Variants in JAKMIP1 observed in about 807,000 individuals in gnomAD.
JAKMIP1 encodes the protein janus kinase and microtubule-interacting protein 1.
JAKMIP1 carries 33 observed loss-of-function variants against 113.0 expected under a neutral mutation model. The ratio of observed to expected loss-of-function variants is 0.29; its 90% CI spans 0.22 to 0.39. The LOEUF (loss-of-function observed/expected upper bound fraction) is 0.39. Among genes scored for constraint, JAKMIP1 ranks in the 10% least tolerant of loss-of-function variants. The probability of loss-of-function intolerance (pLI) is 1.00; values close to 1 mark genes in which losing one functional copy is unlikely to be tolerated. For synonymous variants in JAKMIP1, 480 were observed against 459.9 expected (o/e 1.04, Z -0.56); for missense variants, 813 against 1,080.5 (o/e 0.75, Z 3.47).
At position 6,138,816 on chromosome 4, in the gene JAKMIP1, C is replaced by G. The variant is rs1473546150; in HGVS notation, c.-147-25819G>C. Among the ~76,000 whole-genome samples, 1 of 152,110 alleles carries G rather than the reference C, an allele frequency of 6.6e-6. No homozygotes were observed. Among genetic ancestry groups the G allele is most frequent in the Non-Finnish European group, 1.5e-5 (1 of 68,038 alleles). On this transcript the variant is annotated intron_variant, in intron 1 of 20. Coordinates refer to ENST00000409021, the MANE Select transcript of JAKMIP1 (RefSeq NM_001099433.2). The surrounding 1 kb of genome is among the most constrained non-coding windows in gnomAD (Gnocchi z 6.0). Reference sequence around the variant, plus strand: ...TCCCTGAGCTTCAGTTTCCCCTAACCTGGAAAAATGAGGAAAATCATAGTA... The same window carrying G: ...TCCCTGAGCTTCAGTTTCCCCTAACGTGGAAAAATGAGGAAAATCATAGTA...
intron 11 of JAKMIP1, among the ~76,000 whole-genome samples, chr4:6,058,296 A>G (rs1219156608): frequency 3.3e-5 from 5 of 152,250 alleles, no homozygotes; most frequent in African/African-American, 1.2e-4. Context: ...GTTTCTTTTT[A>G]AAAACTAACT....
chr4:6,080,098 C>CA lies in JAKMIP1; in HGVS notation c.1242+73dup. 6.7e-7 allele frequency: 1 copy of CA among 1,493,132 alleles called. No homozygotes were observed. The highest frequency in any genetic ancestry group is 2.5e-5 in the East Asian group (1 of 40,472). 92.5% of individuals were successfully genotyped at this position (1,493,132 alleles called of 1,614,324 possible). A position where few individuals can be genotyped will look rare whatever the true frequency, so the allele number is the denominator to read the frequency against. Reference sequence around the variant, plus strand: ...TCAGCAGCATCACCCTGAGCCCCAACACCCGTTCCTGACACCCATGTCAGC... The same window carrying CA: ...TCAGCAGCATCACCCTGAGCCCCAACAACCCGTTCCTGACACCCATGTCAGC... On this transcript the variant is annotated intron_variant, in intron 7 of 20. Transcript: ENST00000409021. The surrounding 1 kb of genome is among the most constrained non-coding windows in gnomAD (Gnocchi z 6.0).
chr4:6,115,733 C>G (rs966928590), intron 1 of JAKMIP1, among the ~76,000 whole-genome samples: 1 of 152,110 alleles, frequency 6.6e-6, no homozygotes, highest in Non-Finnish European at 1.5e-5. Flanking sequence ...TTAAGAAAGG[C>G]AAGAAAAATA....
In JAKMIP1 at chr4:6,168,737, AC is replaced by A. The variant is rs1359448464; in HGVS notation, c.-148+31515del. On this transcript the variant is annotated intron_variant, in intron 1 of 20. Coordinates refer to ENST00000409021, the MANE Select transcript of JAKMIP1 (RefSeq NM_001099433.2). This position sits in a 1 kb window ranked among gnomAD's most constrained non-coding sequence, Gnocchi z 4.6. ...AAATCCATGTCTCTACAAAAAAAAA[AC>A]AAAACACAAAAATTAGCCAGGCCTG... 1.3e-5 allele frequency among the ~76,000 whole-genome samples: 2 copies of A among 151,788 alleles called. No homozygotes were observed. The highest frequency in any genetic ancestry group is 4.8e-5 in the African/African-American group (2 of 41,294).
rs894313379 is a variant in JAKMIP1, at chr4:6,192,660, C to T, written c.-148+7593G>A. On this transcript the variant is annotated intron_variant, in intron 1 of 20. Coordinates refer to ENST00000409021, the MANE Select transcript of JAKMIP1 (RefSeq NM_001099433.2). This position sits in a 1 kb window ranked among gnomAD's most constrained non-coding sequence, Gnocchi z 5.0. ...AATAGCAGTGATTACTTATTGCACA[C>T]CTGCTCTGTGCCAATGCCCAAGGCT... 6.6e-6 allele frequency among the ~76,000 whole-genome samples: 1 copy of T among 152,224 alleles called. No individual in the cohort carries two copies. Among genetic ancestry groups the T allele is most frequent in the African/African-American group, 2.4e-5 (1 of 41,448 alleles).
rs145305452 is a variant in JAKMIP1, at chr4:6,090,227, A to G, written c.625-4598T>C. 5.1e-4 allele frequency among the ~76,000 whole-genome samples: 77 copies of G among 152,132 alleles called. No homozygotes were observed. In the East Asian group the frequency reaches 0.014, roughly 27 times the overall value. ...ACAGAGTGAGAGTCCATTTCAAAAAAAAAAAGAAGAAAAAGAAGAGGACAA... is the reference window on the plus strand; with the variant it reads ...ACAGAGTGAGAGTCCATTTCAAAAAGAAAAAGAAGAAAAAGAAGAGGACAA... On this transcript the variant is annotated intron_variant, in intron 3 of 20. Coordinates refer to ENST00000409021, the MANE Select transcript of JAKMIP1 (RefSeq NM_001099433.2).
Position 6,050,772 on chromosome 4 carries a change from C to A in JAKMIP1, c.1807-93G>T. 1 of 989,812 alleles carries A rather than the reference C, an allele frequency of 1.0e-6. No homozygotes were observed. 61.3% of individuals were successfully genotyped at this position (989,812 alleles called of 1,614,324 possible). ...TTACTCAGCAAAAACCAAGGAATTC[C>A]AGTGGGCACAGACGTTACTAAAAAG... is the stretch of plus-strand genomic sequence containing the variant. On this transcript the variant is annotated intron_variant, in intron 13 of 20. Transcript: ENST00000409021. The surrounding 1 kb of genome is among the most constrained non-coding windows in gnomAD (Gnocchi z 7.4).
chr4:6,125,335 A>G (rs1262114616), intron 1 of JAKMIP1, among the ~76,000 whole-genome samples: 1 of 151,998 alleles, frequency 6.6e-6, no homozygotes, highest in Non-Finnish European at 1.5e-5. Context: ...AAAGACCCTC[A>G]AGCCCCTCCC....
At chr4:6,189,595 G>T (rs1727016142) in intron 1 of JAKMIP1, among the ~76,000 whole-genome samples, 1 of 152,202 alleles carries the variant, frequency 6.6e-6, no homozygotes, top group African/African-American at 2.4e-5. Context: ...CCAGGCTGTG[G>T]GAGTCCCAGT....
chr4:6,170,354 A>G (rs1246470794), intron 1 of JAKMIP1, among the ~76,000 whole-genome samples: 2 of 147,776 alleles, frequency 1.4e-5, no homozygotes, highest in African/African-American at 2.5e-5. Flanking sequence ...TCTCACCACC[A>G]CCACCACCAC....
In JAKMIP1 at chr4:6,062,329, C is replaced by T. The variant is rs1023704574; in HGVS notation, c.1543G>A (p.Ala515Thr). ...LQEQVGGTLD[A>T]EREARTREQL... The stretch of plus-strand genomic sequence containing the variant: ...GCACTCACCCGGGCCTCCCTCTCAG[C>T]GTCCAGCGTGCCTCCCACCTGCTCC... Residue 515 changes from alanine to threonine, a missense_variant, in exon 10 of 21, where the codon GCT (alanine) becomes ACT (threonine). Around this residue, in one of 2 missense-constraint regions of JAKMIP1, gnomAD observed 273 missense variants for 426.6 expected, o/e 0.64. Transcript: ENST00000409021. 2.5e-6 allele frequency: 4 copies of T among 1,612,976 alleles called. No individual in the cohort carries two copies. Among genetic ancestry groups the T allele is most frequent in the Middle Eastern group, 1.8e-4 (1 of 5,598 alleles).
At chr4:6,062,626 C>T (rs577975313) in intron 9 of JAKMIP1, among the ~76,000 whole-genome samples, 186 bp from the exon 10 acceptor site, 1 of 152,212 alleles carries the variant, frequency 6.6e-6, no homozygotes, top group Admixed American at 6.5e-5. Context: ...CCTCGCATTG[C>T]CAGGAAGCAA....
intron 12 of JAKMIP1, among the ~76,000 whole-genome samples, chr4:6,055,639 A>G (rs1264776170): frequency 3.9e-5 from 6 of 152,222 alleles, no homozygotes; most frequent in Non-Finnish European, 8.8e-5. Context: ...AGGAAGATGG[A>G]CCAGCCCAAC....
At chr4:6,148,331 C>T (rs1721112476) in intron 1 of JAKMIP1, among the ~76,000 whole-genome samples, 1 of 152,182 alleles carries the variant, frequency 6.6e-6, no homozygotes, top group Admixed American at 6.5e-5. Context: ...CTGGCTCATG[C>T]CCAGAACATT....
At position 6,184,301 on chromosome 4, in the gene JAKMIP1, A is replaced by G. The variant is rs887913947; in HGVS notation, c.-148+15952T>C. Among the ~76,000 whole-genome samples, 2 of 152,212 alleles carry G rather than the reference A, an allele frequency of 1.3e-5. No individual in the cohort carries two copies. Among genetic ancestry groups the G allele is most frequent in the Admixed American group, 6.5e-5 (1 of 15,286 alleles). On this transcript the variant is annotated intron_variant, in intron 1 of 20. Coordinates refer to ENST00000409021, the MANE Select transcript of JAKMIP1 (RefSeq NM_001099433.2). The surrounding 1 kb of genome is among the most constrained non-coding windows in gnomAD (Gnocchi z 4.5). ...CACTCCACAAATGCCCTAGGGAAGGAAGAACCGCTCCCAGGCACCACAGCC... is the reference window on the plus strand; with the variant it reads ...CACTCCACAAATGCCCTAGGGAAGGGAGAACCGCTCCCAGGCACCACAGCC...
chr4:6,171,161 A>G (rs1028786236), intron 1 of JAKMIP1, among the ~76,000 whole-genome samples: 1 of 148,598 alleles, frequency 6.7e-6, no homozygotes, highest in Non-Finnish European at 1.5e-5. Flanking sequence ...CACCACCACC[A>G]TCTCCATCAC....
Position 6,150,260 on chromosome 4 carries a change from A to C in JAKMIP1, c.-147-37263T>G, listed in dbSNP as rs62282963. The C allele has an allele frequency of 4.8e-3, 735 of 152,322 alleles. 1 individual carries two copies. Among genetic ancestry groups the C allele is most frequent in the Non-Finnish European group, 7.0e-3 (474 of 68,076 alleles). The allele number at this position is 152,322 out of a possible 1,614,324, so 9.4% of individuals were successfully genotyped here. Reference sequence around the variant, plus strand: ...TGTATATTAGCTCAGTAATCTTCATAATTCTTTGAAGGAGGTGCCAGCTTC... The same window carrying C: ...TGTATATTAGCTCAGTAATCTTCATCATTCTTTGAAGGAGGTGCCAGCTTC... On this transcript the variant is annotated intron_variant, in intron 1 of 20. Transcript: ENST00000409021. This position sits in a 1 kb window ranked among gnomAD's most constrained non-coding sequence, Gnocchi z 4.8.
intron 1 of JAKMIP1, among the ~76,000 whole-genome samples, chr4:6,163,462 T>C (rs1236416703): frequency 2.0e-5 from 3 of 152,184 alleles, no homozygotes; most frequent in Non-Finnish European, 2.9e-5. Flanking sequence ...TGCTGACCAC[T>C]CCACTGACCA....
Position 6,098,670 on chromosome 4 carries a change from G to GAGAAAGAAAGAA in JAKMIP1, c.624+6791_624+6802dup, listed in dbSNP as rs757166386. ...AAAGGAAAGGAAAGGAAGAAAGAGA[G>GAGAAAGAAAGAA]AGAAAGAAAGAAAGAAAGAAAGAAA... On this transcript the variant is annotated intron_variant, in intron 3 of 20. Transcript: ENST00000409021. Among the ~76,000 whole-genome samples the GAGAAAGAAAGAA allele has an allele frequency of 1.4e-3, 139 of 100,448 alleles. 2 individuals are homozygous for GAGAAAGAAAGAA. Among genetic ancestry groups the GAGAAAGAAAGAA allele is most frequent in the African/African-American group, 6.5e-3 (129 of 19,994 alleles). 65.9% of individuals were successfully genotyped at this position (100,448 alleles called of 152,430 possible).
Sources: allele counts gnomAD v4.1 joint callset (sites outside exome capture counted in the v4.1 genomes callset), GRCh38; gene constraint gnomAD v4.1.1; regional missense constraint gnomAD v4.1.1; non-coding constraint Gnocchi (gnomAD v3.1); transcripts MANE v1.5; gene names NCBI Gene and HGNC (gene_info 2026-07-23, HGNC 2026-07-21).